Variants in ITGBL1 observed in about 807,000 individuals in gnomAD.
ITGBL1 encodes integrin beta-like protein 1.
In ITGBL1, 51 loss-of-function variants were observed where a neutral mutation model predicts 68.5. The ratio of observed to expected loss-of-function variants is 0.74; its 90% CI spans 0.59 to 0.94. ITGBL1 has a LOEUF of 0.94. Among genes scored for constraint, ITGBL1 ranks in the 40% least tolerant of loss-of-function variants. ITGBL1 has a pLI of 0.00. For missense variants in ITGBL1, 649 were observed against 647.4 expected (o/e 1.00, Z -0.03); for synonymous variants, 209 against 227.3 (o/e 0.92, Z 0.72).
At chr13:101,461,037 T>C (rs1469617048) in intron 2 of ITGBL1, among the ~76,000 whole-genome samples, 5 of 152,186 alleles carry the variant, frequency 3.3e-5, no homozygotes, top group African/African-American at 4.8e-5. Context: ...AGGTCATCCC[T>C]GCACCTTGAT....
chr13:101,715,715 GA>G lies in ITGBL1; in HGVS notation c.*63del. ...CTGGGCCATTAGAACAGATAAATGC[GA>G]AGGAAACCATGTATATTCACCACTA... On this transcript the variant is annotated 3_prime_UTR_variant, in exon 11 of 11. Coordinates refer to ENST00000376180, the MANE Select transcript of ITGBL1 (RefSeq NM_004791.3). 1 of 1,057,602 alleles carries G rather than the reference GA, an allele frequency of 9.5e-7. No homozygotes were observed. Among genetic ancestry groups the G allele is most frequent in the Non-Finnish European group, 1.5e-6 (1 of 673,296 alleles). The allele number at this position is 1,057,602 out of a possible 1,614,324, so 65.5% of individuals were successfully genotyped here. A position where few individuals can be genotyped will look rare whatever the true frequency, so the allele number is the denominator to read the frequency against.
chr13:101,453,670 G>A (rs1254175053), intron 1 of ITGBL1, among the ~76,000 whole-genome samples: 1 of 152,196 alleles, frequency 6.6e-6, no homozygotes, highest in African/African-American at 2.4e-5. Flanking sequence ...TTTGGGCCCT[G>A]GTCATTTCTC....
At chr13:101,512,846 A>G (rs1333963077) in intron 2 of ITGBL1, among the ~76,000 whole-genome samples, 5 of 152,158 alleles carry the variant, frequency 3.3e-5, no homozygotes, top group Non-Finnish European at 7.4e-5. Flanking sequence ...ATATATTATA[A>G]CAGAATAAAT....
chr13:101,576,593 AGGGCCCAATG>A (rs2050363355), intron 4 of ITGBL1, among the ~76,000 whole-genome samples: 1 of 152,156 alleles, frequency 6.6e-6, no homozygotes, highest in Non-Finnish European at 1.5e-5. Context: ...TGGAAGGACT[AGGGCCCAATG>A]GGGCCACGTG....
At chr13:101,604,423 A>G (rs2030569693) in intron 7 of ITGBL1, among the ~76,000 whole-genome samples, 1 of 151,890 alleles carries the variant, frequency 6.6e-6, no homozygotes, top group Non-Finnish European at 1.5e-5. Flanking sequence ...AAAATTGTTT[A>G]TAATTCATTT....
At chr13:101,694,905 A>G (rs2033968129) in intron 8 of ITGBL1, among the ~76,000 whole-genome samples, 1 of 152,182 alleles carries the variant, frequency 6.6e-6, no homozygotes, top group South Asian at 2.1e-4. Context: ...CAAATTACGC[A>G]TGGTTTAAAC....
intron 2 of ITGBL1, among the ~76,000 whole-genome samples, chr13:101,521,556 G>T (rs1463515719): frequency 6.6e-6 from 1 of 152,034 alleles, no homozygotes; most frequent in Non-Finnish European, 1.5e-5. Flanking sequence ...GAGAAGGGAG[G>T]GTGGGAGGAG....
chr13:101,596,828 T>C (rs1055993191), intron 6 of ITGBL1, among the ~76,000 whole-genome samples: 2 of 152,104 alleles, frequency 1.3e-5, no homozygotes, highest in Admixed American at 1.3e-4. Context: ...GGACTACATA[T>C]ACTGTATGAC....
chr13:101,525,492 G>A (rs1182801887), intron 2 of ITGBL1, among the ~76,000 whole-genome samples: 1 of 125,316 alleles, frequency 8.0e-6, no homozygotes, highest in Non-Finnish European at 1.7e-5. Context: ...CCTTATTCTG[G>A]CCTTAGATTA....
At chr13:101,667,655 C>G (rs2033255201) in intron 7 of ITGBL1, among the ~76,000 whole-genome samples, 1 of 152,062 alleles carries the variant, frequency 6.6e-6, no homozygotes, top group African/African-American at 2.4e-5. Context: ...AATTTAGATT[C>G]AATTGTCCTT....
At chr13:101,560,912 C>T (rs1230222544) in intron 2 of ITGBL1, among the ~76,000 whole-genome samples, 1 of 152,152 alleles carries the variant, frequency 6.6e-6, no homozygotes, top group Non-Finnish European at 1.5e-5. Flanking sequence ...ATTTTGGTTT[C>T]CACTTAGGGA....
At chr13:101,516,300 A>C (rs1272282091) in intron 2 of ITGBL1, among the ~76,000 whole-genome samples, 1 of 152,148 alleles carries the variant, frequency 6.6e-6, no homozygotes, top group Non-Finnish European at 1.5e-5. Flanking sequence ...TGTGATTAAA[A>C]AGCACTCTAA....
At chr13:101,618,948 G>A (rs1027932331) in intron 7 of ITGBL1, among the ~76,000 whole-genome samples, 16 of 151,986 alleles carry the variant, frequency 1.1e-4, no homozygotes, top group South Asian at 2.1e-4. Context: ...GGATGGTAGC[G>A]TTCTAAATTT....
In ITGBL1 at chr13:101,692,682, C is replaced by A. The variant is rs767166554; in HGVS notation, c.1113C>A (p.Leu371=). Reference sequence around the variant, plus strand: ...GTGATGATCGCCGCTGTGAAGACCTCGATGGTGTGGTCTGTGGAGGTAGTA... The same window carrying A: ...GTGATGATCGCCGCTGTGAAGACCTAGATGGTGTGGTCTGTGGAGGTAGTA... The part of the protein sequence containing the change: ...CECDDRRCED[L]DGVVCGGHGT... The change falls in exon 8 of 11, where the codon CTC becomes CTA. Residue 371 remains leucine (L), a synonymous_variant. Transcript: ENST00000376180. 1 of 1,612,548 alleles carries A rather than the reference C, an allele frequency of 6.2e-7. No individual in the cohort carries two copies. Among genetic ancestry groups the A allele is most frequent in the Non-Finnish European group, 8.5e-7 (1 of 1,178,688 alleles).
chr13:101,711,880 A>T (rs1594001628), intron 9 of ITGBL1: 1 of 151,686 alleles, frequency 6.6e-6, no homozygotes, highest in Non-Finnish European at 1.5e-5. Flanking sequence ...CTGCCCTAAA[A>T]CTCCTGCCAA....
chr13:101,649,686 C>T (rs1735401081), intron 7 of ITGBL1, among the ~76,000 whole-genome samples: 1 of 152,170 alleles, frequency 6.6e-6, no homozygotes, highest in Admixed American at 6.5e-5. Flanking sequence ...GAGCCTTTGG[C>T]TGCTCTTACT....
chr13:101,468,978 G>A (rs2048421386), intron 2 of ITGBL1, among the ~76,000 whole-genome samples: 1 of 152,204 alleles, frequency 6.6e-6, no homozygotes, highest in Non-Finnish European at 1.5e-5. Flanking sequence ...GAAAAGGTAG[G>A]TAGGAGAGTT....
chr13:101,622,265 C>T, intron 7 of ITGBL1, among the ~76,000 whole-genome samples: 1 of 152,136 alleles, frequency 6.6e-6, no homozygotes, highest in East Asian at 1.9e-4. Flanking sequence ...ATTTAATAAT[C>T]TCATCAACCT....
chr13:101,623,300 A>G (rs2031657576), intron 7 of ITGBL1, among the ~76,000 whole-genome samples: 1 of 152,168 alleles, frequency 6.6e-6, no homozygotes, highest in Non-Finnish European at 1.5e-5. Context: ...AAAAATGTTC[A>G]GAGATTACCT....
Sources: allele counts gnomAD v4.1 joint callset (sites outside exome capture counted in the v4.1 genomes callset), GRCh38; gene constraint gnomAD v4.1.1; transcripts MANE v1.5; gene names NCBI Gene and HGNC (gene_info 2026-07-23, HGNC 2026-07-21).